Variants in SCN3A observed in about 807,000 individuals in gnomAD.
SCN3A encodes sodium voltage-gated channel alpha subunit 3.
Under a neutral mutation model 187.6 loss-of-function variants are expected in SCN3A, and 60 were observed. The observed-to-expected ratio is 0.32, with a 90% CI of 0.26 to 0.40. SCN3A has a LOEUF of 0.40. Ranked by LOEUF, SCN3A falls within the 10% of genes least tolerant of loss-of-function variation. SCN3A has a pLI of 1.00. For missense variants in SCN3A, 1,601 were observed against 2,428.2 expected (o/e 0.66, Z 7.16); for synonymous variants, 788 against 829.2 (o/e 0.95, Z 0.85).
In SCN3A at chr2:165,113,010, G is replaced by T; in HGVS notation, c.3718C>A (p.Leu1240Ile). 1 of 1,612,842 alleles carries T rather than the reference G, an allele frequency of 6.2e-7. No homozygotes were observed. Among genetic ancestry groups the T allele is most frequent in the Non-Finnish European group, 8.5e-7 (1 of 1,179,466 alleles). ...GTAAAGACTTTGTCAGCATATTCTA[G>T]CATGGTTTTGATAGTCTTTCGCTGT... The part of the protein sequence containing the change: ...IEQRKTIKTM[L>I]EYADKVFTYI... Residue 1240 changes from leucine (L) to isoleucine (I), a missense_variant, in exon 21 of 28, where the codon CTA becomes ATA. This residue lies in a region of SCN3A where 267 missense variants were observed against 313.2 expected (regional missense o/e 0.85). Coordinates refer to ENST00000283254, the MANE Select transcript of SCN3A (RefSeq NM_006922.4).
intron 27 of SCN3A, chr2:165,091,805 A>G (rs1685120171): frequency 3.7e-6 from 1 of 267,364 alleles, no homozygotes; most frequent in African/African-American, 2.3e-5. Context: ...TTTTTCTCCT[A>G]CTAAATCTCA....
chr2:165,139,829 T>A (rs2289401), intron 13 of SCN3A: 2 of 544,250 alleles, frequency 3.7e-6, no homozygotes, highest in Admixed American at 3.2e-5. Flanking sequence ...GGATGCAGTT[T>A]TATAACACAA....
At chr2:165,144,605 T>C (rs1688210259) in intron 12 of SCN3A, among the ~76,000 whole-genome samples, 1 of 152,154 alleles carries the variant, frequency 6.6e-6, no homozygotes, top group African/African-American at 2.4e-5. Flanking sequence ...CTCCAAATCT[T>C]TCCCAAAATG....
chr2:165,102,900 G>A (rs374796215), intron 21 of SCN3A, among the ~76,000 whole-genome samples: 13 of 152,174 alleles, frequency 8.5e-5, no homozygotes, highest in East Asian at 7.7e-4. Flanking sequence ...GAAAATAAAG[G>A]GAATTTAAAA....
chr2:165,197,522 G>A (rs1692039854), intron 1 of SCN3A, among the ~76,000 whole-genome samples: 1 of 150,298 alleles, frequency 6.7e-6, no homozygotes, highest in Admixed American at 6.6e-5. Flanking sequence ...TGAATAAGCT[G>A]TTAATGTTCT....
At chr2:165,191,834 T>C (rs898947352) in intron 1 of SCN3A, among the ~76,000 whole-genome samples, 1 of 152,200 alleles carries the variant, frequency 6.6e-6, no homozygotes, top group Non-Finnish European at 1.5e-5. Context: ...ATGAATCTCA[T>C]GTGTCTAGAA....
At chr2:165,137,042 A>T (rs1687709382) in intron 15 of SCN3A, among the ~76,000 whole-genome samples, 1 of 152,124 alleles carries the variant, frequency 6.6e-6, no homozygotes, top group African/African-American at 2.4e-5. Flanking sequence ...AAGGAGATTC[A>T]TGCTTTTCAG....
intron 9 of SCN3A, among the ~76,000 whole-genome samples, chr2:165,157,916 A>ATT (rs139629526): frequency 1.3e-5 from 2 of 150,680 alleles, no homozygotes; most frequent in East Asian, 1.9e-4. Flanking sequence ...TGTGGGTTGC[A>ATT]TTTTTTTTTG....
chr2:165,164,252 A>G lies in SCN3A; in HGVS notation c.602+140T>C, dbSNP rs1689598195. 8 of 1,042,800 alleles carry G rather than the reference A, an allele frequency of 7.7e-6. No homozygotes were observed. The East Asian group carries it at 1.6e-4, about 20-fold the overall frequency. 64.6% of individuals were successfully genotyped at this position (1,042,800 alleles called of 1,614,324 possible). ...TTTACATTGCAATATGTATTCTAAT[A>G]TGTATTCTTAAAATACACAATCCAT... On this transcript the variant is annotated intron_variant, in intron 6 of 27. Transcript: ENST00000283254.
chr2:165,155,754 G>T lies in SCN3A; in HGVS notation c.1173+8C>A. ...AATAAATGTTATGCATGCTCATTTG[G>T]ACCTTACCAACTGGTAAAGATTTTC... is the stretch of plus-strand genomic sequence containing the variant. On this transcript the variant is annotated splice_region_variant and intron_variant, in intron 10 of 27. Transcript: ENST00000283254. The T allele has an allele frequency of 6.2e-7, 1 of 1,613,808 alleles. No individual in the cohort carries two copies. The highest frequency in any genetic ancestry group is 8.5e-7 in the Non-Finnish European group (1 of 1,179,818).
At chr2:165,181,486 G>T (rs1690869319) in intron 2 of SCN3A, among the ~76,000 whole-genome samples, 1 of 152,132 alleles carries the variant, frequency 6.6e-6, no homozygotes, top group Admixed American at 6.5e-5. Context: ...AATCGCATTT[G>T]TTACTATCAC....
At chr2:165,136,276 C>G (rs963107376) in intron 15 of SCN3A, among the ~76,000 whole-genome samples, 2 of 152,134 alleles carry the variant, frequency 1.3e-5, no homozygotes, top group African/African-American at 4.8e-5. Context: ...TGGCAAATTT[C>G]CTTCACCTGT....
Position 165,146,864 on chromosome 2 carries a change from T to C in SCN3A, c.1546A>G (p.Asn516Asp), listed in dbSNP as rs1341874287. Residue 516 changes from asparagine (N) to aspartate (D), a missense_variant, in exon 12 of 28, where the codon AAC becomes GAC. Physicochemically the swap from Asn to Asp is conservative, Grantham distance 23. Coordinates refer to ENST00000283254, the MANE Select transcript of SCN3A (RefSeq NM_006922.4). ...GGAAAGCTGTCTCTCTCTCCTTTGT[T>C]GTTTCCTTCAAGGTGCTCTCTCTGT... ...RRQREHLEGN[N>D]KGERDSFPKS... 1 of 1,614,108 alleles carries C rather than the reference T, an allele frequency of 6.2e-7. No individual in the cohort carries two copies. The highest frequency in any genetic ancestry group is 1.7e-5 in the Admixed American group (1 of 60,020).
intron 12 of SCN3A, among the ~76,000 whole-genome samples, chr2:165,143,370 T>A (rs916279600): frequency 4.6e-5 from 7 of 152,230 alleles, no homozygotes; most frequent in Admixed American, 3.9e-4. Flanking sequence ...GTGGTACGTG[T>A]GTACATCCAC....
rs568747650 is a variant in SCN3A at position 165,144,970 on chromosome 2, T to C, written c.1671+1769A>G. On this transcript the variant is annotated intron_variant, in intron 12 of 27. Transcript: ENST00000283254. ...ACTAATACTGCTATCAAATTATGTA[T>C]ATACATTTGTTAGTAATTGAAACTA... 4.9e-4 allele frequency among the ~76,000 whole-genome samples: 74 copies of C among 152,324 alleles called. No individual in the cohort carries two copies. In the South Asian group the frequency reaches 6.8e-3, roughly 14 times the overall value.
chr2:165,191,141 A>G (rs1009856436), intron 1 of SCN3A, among the ~76,000 whole-genome samples: 1 of 151,272 alleles, frequency 6.6e-6, no homozygotes, highest in African/African-American at 2.4e-5. Flanking sequence ...AAAGATGACA[A>G]TCATAGCTTC....
At chr2:165,154,754 G>T in intron 10 of SCN3A, 96 bp from the exon 11 acceptor site, 1 of 1,202,984 alleles carries the variant, frequency 8.3e-7, no homozygotes, top group Non-Finnish European at 1.2e-6. Context: ...AGACTAATTA[G>T]CTTTTTAGTA....
rs377102327 is a variant in SCN3A, at chr2:165,157,216, T to C, written c.1032-1313A>G. 9.9e-5 allele frequency among the ~76,000 whole-genome samples: 15 copies of C among 152,240 alleles called. No individual in the cohort carries two copies. The South Asian group carries it at 1.9e-3, about 19-fold the overall frequency. On this transcript the variant is annotated intron_variant, in intron 9 of 27. Coordinates refer to ENST00000283254, the MANE Select transcript of SCN3A (RefSeq NM_006922.4). ...AGAGCCACCGTGCCCAGCCCTCAGT[T>C]TTTTTCTTAATGTCCTTTTTTTGTT... is the stretch of plus-strand genomic sequence containing the variant.
chr2:165,166,155 A>C (rs56983026), intron 5 of SCN3A, among the ~76,000 whole-genome samples: 5,368 of 152,290 alleles, frequency 0.035, 127 homozygotes, highest in East Asian at 0.085. Context: ...AGTTACTAGG[A>C]ATAAGATTAA....
Sources: allele counts gnomAD v4.1 joint callset (sites outside exome capture counted in the v4.1 genomes callset), GRCh38; gene constraint gnomAD v4.1.1; regional missense constraint gnomAD v4.1.1; transcripts MANE v1.5; gene names NCBI Gene and HGNC (gene_info 2026-07-23, HGNC 2026-07-21).